FAM107B: variants seen among roughly 807,000 people sequenced by gnomAD.
The protein encoded by FAM107B is protein FAM107B.
A neutral mutation model predicts 31.5 loss-of-function variants in FAM107B; 21 were observed. That is an observed-to-expected ratio of 0.67 (90% CI 0.47 to 0.96). FAM107B has a LOEUF of 0.96. FAM107B is among the 40% of genes least tolerant of loss of function. FAM107B has a pLI of 0.00. For missense variants in FAM107B, 452 were observed against 377.1 expected (o/e 1.20, Z -1.64); for synonymous variants, 157 against 141.5 (o/e 1.11, Z -0.78).
intron 2 of FAM107B, among the ~76,000 whole-genome samples, chr10:14,557,244 T>C (rs1040760142): frequency 1.3e-5 from 2 of 152,244 alleles, no homozygotes; most frequent in Admixed American, 6.5e-5. Context: ...TTCTCCCCTC[T>C]AGATATTTAG....
At chr10:14,622,790 A>G (rs1013969671) in intron 2 of FAM107B, among the ~76,000 whole-genome samples, 1 of 152,216 alleles carries the variant, frequency 6.6e-6, no homozygotes, top group Admixed American at 6.5e-5. Flanking sequence ...ACATATGTTG[A>G]GCATTTGTGT....
intron 2 of FAM107B, among the ~76,000 whole-genome samples, chr10:14,665,878 G>A (rs1395632979): frequency 6.6e-6 from 1 of 152,116 alleles, no homozygotes; most frequent in Non-Finnish European, 1.5e-5. Flanking sequence ...AACATAATTT[G>A]TTGTCTTGAG....
intron 2 of FAM107B, among the ~76,000 whole-genome samples, chr10:14,557,714 C>T (rs1014193988): frequency 2.0e-5 from 3 of 152,254 alleles, no homozygotes; most frequent in African/African-American, 7.2e-5. Flanking sequence ...TCTCAACCTT[C>T]ACAACAGTTC....
intron 2 of FAM107B, among the ~76,000 whole-genome samples, chr10:14,662,670 G>T (rs2131466632): frequency 6.6e-6 from 1 of 152,246 alleles, no homozygotes; most frequent in Middle Eastern, 3.4e-3. Context: ...TTCATAAGTA[G>T]ATCTGAGGCT....
intron 2 of FAM107B, among the ~76,000 whole-genome samples, chr10:14,566,903 G>A (rs1032375503): frequency 6.6e-6 from 1 of 152,222 alleles, no homozygotes; most frequent in Non-Finnish European, 1.5e-5. Flanking sequence ...TGTAATCCCA[G>A]CACTTTGGGA....
intron 1 of FAM107B, chr10:14,723,173 A>G: frequency 2.0e-6 from 1 of 511,782 alleles, no homozygotes; most frequent in South Asian, 1.4e-5. Flanking sequence ...ACAGCTTAAG[A>G]CCATTCAGTG....
Position 14,613,193 on chromosome 10 carries a change from A to T in FAM107B, c.469+54441T>A, listed in dbSNP as rs1306496362. Among the ~76,000 whole-genome samples the T allele has an allele frequency of 2.0e-5, 3 of 152,202 alleles. No individual in the cohort carries two copies. The East Asian group carries it at 5.8e-4, about 29-fold the overall frequency. On this transcript the variant is annotated intron_variant, in intron 2 of 4. Coordinates refer to ENST00000181796, the MANE Select transcript of FAM107B (RefSeq NM_031453.4). ...CACCACGTTGGCCAGGCTGGTCTCG[A>T]ACTCCTGACCTCAAGTGATCTGCCT...
intron 2 of FAM107B, among the ~76,000 whole-genome samples, chr10:14,554,878 G>A (rs931099867): frequency 2.0e-5 from 3 of 152,258 alleles, no homozygotes; most frequent in East Asian, 3.9e-4. Flanking sequence ...TTAATCAAGT[G>A]GATGAAAAAT....
chr10:14,634,954 T>A (rs796171430), intron 2 of FAM107B, among the ~76,000 whole-genome samples: 35 of 152,044 alleles, frequency 2.3e-4, no homozygotes, highest in African/African-American at 8.2e-4. Flanking sequence ...CCAGGCATGG[T>A]GGTGCATACC....
At chr10:14,704,843 A>T (rs1430374377) in intron 1 of FAM107B, among the ~76,000 whole-genome samples, 3 of 151,874 alleles carry the variant, frequency 2.0e-5, no homozygotes, top group Non-Finnish European at 2.9e-5. Context: ...GGCCAACATG[A>T]TGAAACCCCA....
chr10:14,704,078 T>C (rs978726939), intron 1 of FAM107B, among the ~76,000 whole-genome samples: 1 of 152,234 alleles, frequency 6.6e-6, no homozygotes, highest in African/African-American at 2.4e-5. Flanking sequence ...CAATCATGGT[T>C]CCCATTCTAC....
At chr10:14,632,114 T>C (rs540263767) in intron 2 of FAM107B, among the ~76,000 whole-genome samples, 160 of 149,828 alleles carry the variant, frequency 1.1e-3, no homozygotes, top group African/African-American at 3.7e-3. Flanking sequence ...CTGGCCAACA[T>C]TGGTGAAACC....
At chr10:14,716,578 T>C (rs531293779) in intron 1 of FAM107B, among the ~76,000 whole-genome samples, 11 of 152,282 alleles carry the variant, frequency 7.2e-5, no homozygotes, top group Middle Eastern at 3.4e-3. Flanking sequence ...ATCTGCCTCA[T>C]AGACAGTGAG....
chr10:14,543,724 A>G (rs976739975), intron 2 of FAM107B, among the ~76,000 whole-genome samples: 14 of 150,914 alleles, frequency 9.3e-5, no homozygotes, highest in African/African-American at 3.4e-4. Context: ...AAACTCTCAT[A>G]TGGTGAAGCT....
intron 2 of FAM107B, among the ~76,000 whole-genome samples, chr10:14,536,390 C>T (rs548923119): frequency 1.3e-5 from 2 of 152,320 alleles, no homozygotes; most frequent in South Asian, 4.1e-4. Flanking sequence ...GTTTCCTAAG[C>T]TGTCTCTAAG....
chr10:14,573,253 T>TA (rs1438045214), intron 2 of FAM107B, among the ~76,000 whole-genome samples: 1 of 152,150 alleles, frequency 6.6e-6, no homozygotes, highest in Non-Finnish European at 1.5e-5. Context: ...GATGAGGCCA[T>TA]AAGGGCTCCA....
intron 1 of FAM107B, among the ~76,000 whole-genome samples, chr10:14,674,766 G>A (rs904455251): frequency 2.0e-5 from 3 of 152,086 alleles, no homozygotes; most frequent in African/African-American, 4.8e-5. Context: ...TCTCGCTCTC[G>A]CTCTGTTGCC....
At chr10:14,591,642 G>C (rs1852022719) in intron 2 of FAM107B, among the ~76,000 whole-genome samples, 1 of 152,170 alleles carries the variant, frequency 6.6e-6, no homozygotes, top group East Asian at 1.9e-4. Context: ...GATCGATGAG[G>C]AAATGAAAGG....
At chr10:14,674,174 C>T (rs1854624595) in intron 1 of FAM107B, among the ~76,000 whole-genome samples, 1 of 152,168 alleles carries the variant, frequency 6.6e-6, no homozygotes, top group South Asian at 2.1e-4. Flanking sequence ...GAAAACACTT[C>T]AGCACATTGG....
Sources: gnomAD v4.1 joint callset for allele counts (sites outside exome capture counted in the v4.1 genomes callset) on GRCh38, gnomAD v4.1.1 for gene constraint, MANE v1.5 for transcripts, NCBI Gene and HGNC (gene_info 2026-07-23, HGNC 2026-07-21) for gene names.